Variants in TOP6BL observed in about 807,000 individuals in gnomAD.
TOP6BL encodes the protein TOP6B like initiator of meiotic double strand breaks.
the TOP6BL span, among the ~76,000 whole-genome samples, chr11:66,802,068 C>T: frequency 6.6e-6 from 1 of 152,162 alleles, no homozygotes; most frequent in Admixed American, 6.5e-5. Context: ...TAGCTCACTG[C>T]AGCCTTGGTC....
the TOP6BL span, among the ~76,000 whole-genome samples, chr11:66,790,954 C>T: frequency 6.6e-5 from 10 of 152,306 alleles, 1 homozygote; most frequent in African/African-American, 1.9e-4. Context: ...TATAGTCAAA[C>T]GGCATTAGCC....
the TOP6BL span, among the ~76,000 whole-genome samples, chr11:66,767,233 G>A: frequency 6.6e-6 from 1 of 152,094 alleles, no homozygotes; most frequent in East Asian, 1.9e-4. Context: ...TGTTAAATGT[G>A]TGCTACTGTC....
chr11:66,784,537 C>A, the TOP6BL span, among the ~76,000 whole-genome samples: 1 of 152,228 alleles, frequency 6.6e-6, no homozygotes, highest in Non-Finnish European at 1.5e-5. Context: ...TTAGCAGTCA[C>A]TCTGCTTACT....
At chr11:66,794,765 T>C in the TOP6BL span, among the ~76,000 whole-genome samples, 52 of 152,292 alleles carry the variant, frequency 3.4e-4, no homozygotes, top group Non-Finnish European at 6.3e-4. Context: ...TACAGTCAAG[T>C]TCTGGCTATA....
the TOP6BL span, chr11:66,762,035 C>T: frequency 6.9e-6 from 10 of 1,458,956 alleles, no homozygotes; most frequent in East Asian, 2.3e-5. Flanking sequence ...TGATTTTTTC[C>T]CCCCAGCAAC....
At chr11:66,764,439 G>A in the TOP6BL span, among the ~76,000 whole-genome samples, 2 of 148,840 alleles carry the variant, frequency 1.3e-5, no homozygotes, top group Admixed American at 1.3e-4. Flanking sequence ...GGATCACAAG[G>A]TCAGGAGTTT....
At chr11:66,796,201 G>A in the TOP6BL span, 1 of 1,080,066 alleles carries the variant, frequency 9.3e-7, no homozygotes, top group Admixed American at 2.3e-5. Context: ...GTTACTTTTA[G>A]AAGAGGAAAT....
the TOP6BL span, among the ~76,000 whole-genome samples, chr11:66,772,285 A>G: frequency 2.0e-5 from 3 of 152,242 alleles, no homozygotes; most frequent in Non-Finnish European, 2.9e-5. Flanking sequence ...CCTGGGAAAC[A>G]TAGCAAGGCC....
the TOP6BL span, among the ~76,000 whole-genome samples, chr11:66,797,068 C>T: frequency 9.9e-5 from 15 of 150,864 alleles, no homozygotes; most frequent in Non-Finnish European, 1.9e-4. Context: ...GGCATGATCT[C>T]GGCTCACTGC....
At chr11:66,833,938 ACT>A in the TOP6BL span, among the ~76,000 whole-genome samples, 4 of 149,184 alleles carry the variant, frequency 2.7e-5, no homozygotes, top group Admixed American at 6.7e-5. Flanking sequence ...ACACAGCAAG[ACT>A]CTGTCTCAAA....
the TOP6BL span, chr11:66,803,898 A>T: frequency 2.1e-6 from 2 of 930,542 alleles, no homozygotes; most frequent in Non-Finnish European, 3.2e-6. Flanking sequence ...GTGTGGTTGT[A>T]CATATGCTAG....
the TOP6BL span, among the ~76,000 whole-genome samples, chr11:66,746,376 C>G: frequency 6.6e-6 from 1 of 151,914 alleles, no homozygotes; most frequent in Non-Finnish European, 1.5e-5. Context: ...CACTTGAGAT[C>G]AGGAGTTCAA....
At chr11:66,835,910 G>C in the TOP6BL span, among the ~76,000 whole-genome samples, 1 of 152,162 alleles carries the variant, frequency 6.6e-6, no homozygotes, top group African/African-American at 2.4e-5. Context: ...TATATATCTA[G>C]GAGTAGAATT....
At chr11:66,752,205 T>G in the TOP6BL span, among the ~76,000 whole-genome samples, 2 of 151,904 alleles carry the variant, frequency 1.3e-5, no homozygotes, top group Admixed American at 1.3e-4. Flanking sequence ...TCCAGTAGCT[T>G]CCTTGGAAAG....
chr11:66,781,245 T>C, the TOP6BL span, among the ~76,000 whole-genome samples: 1 of 152,152 alleles, frequency 6.6e-6, no homozygotes, highest in South Asian at 2.1e-4. Context: ...TTTTCTTCAG[T>C]CTTTTTTTTC....
chr11:66,817,810 G>A, the TOP6BL span, among the ~76,000 whole-genome samples: 1 of 152,080 alleles, frequency 6.6e-6, no homozygotes, highest in South Asian at 2.1e-4. Flanking sequence ...GCCTCCCAAA[G>A]TGCTGGGATT....
At chr11:66,839,449 A>C in the TOP6BL span, among the ~76,000 whole-genome samples, 7 of 152,252 alleles carry the variant, frequency 4.6e-5, no homozygotes, top group African/African-American at 7.2e-5. Flanking sequence ...ACAGATCCTG[A>C]GTCCTTCAGA....
At chr11:66,816,428 T>G in the TOP6BL span, among the ~76,000 whole-genome samples, 1 of 152,226 alleles carries the variant, frequency 6.6e-6, no homozygotes, top group Admixed American at 6.5e-5. Context: ...CAGCAGATAC[T>G]TCATATATTG....
chr11:66,772,175 A>AGTAAGTG, the TOP6BL span, among the ~76,000 whole-genome samples: 2 of 152,230 alleles, frequency 1.3e-5, no homozygotes, highest in African/African-American at 4.8e-5. Context: ...TGGCCCGGCC[A>AGTAAGTG]GTAAGTGGTA....
Sources: allele counts gnomAD v4.1 joint callset (sites outside exome capture counted in the v4.1 genomes callset), GRCh38; gene constraint gnomAD v4.1.1; transcripts MANE v1.5; gene names NCBI Gene and HGNC (gene_info 2026-07-23, HGNC 2026-07-21).